The following LRRC4C variants were observed in gnomAD, a reference collection of about 807,000 sequenced individuals.
LRRC4C encodes leucine rich repeat containing 4C.
A neutral mutation model predicts 33.6 loss-of-function variants in LRRC4C; 5 were observed. The observed-to-expected ratio is 0.15, with a 90% CI of 0.08 to 0.31. The LOEUF is 0.31. Among genes scored for constraint, LRRC4C ranks in the 10% least tolerant of loss-of-function variants. The pLI is 1.00. For missense variants in LRRC4C, 560 were observed against 796.7 expected (o/e 0.70, Z 3.58); for synonymous variants, 329 against 302.0 (o/e 1.09, Z -0.93).
intron 1 of LRRC4C, among the ~76,000 whole-genome samples, chr11:41,387,608 G>A (rs537477192): frequency 6.6e-6 from 1 of 151,612 alleles, no homozygotes; most frequent in Non-Finnish European, 1.5e-5. Context: ...TGGAATATAG[G>A]TGCTTGTCAA....
At chr11:41,389,246 G>A (rs925073279) in intron 1 of LRRC4C, among the ~76,000 whole-genome samples, 1 of 151,782 alleles carries the variant, frequency 6.6e-6, no homozygotes, top group Non-Finnish European at 1.5e-5. Flanking sequence ...ACAAAATGCT[G>A]TGGTGTAAGT....
At chr11:40,912,740 A>G (rs1050908142) in intron 2 of LRRC4C, among the ~76,000 whole-genome samples, 4 of 152,172 alleles carry the variant, frequency 2.6e-5, no homozygotes, top group Non-Finnish European at 5.9e-5. Context: ...CAATTAAAAG[A>G]CACAGACTGG....
intron 1 of LRRC4C, among the ~76,000 whole-genome samples, chr11:41,087,675 T>C (rs557963189): frequency 1.3e-5 from 2 of 152,260 alleles, no homozygotes; most frequent in East Asian, 3.9e-4. Context: ...GTGCTGTAAT[T>C]GTTAAGTCAG....
chr11:40,291,758 T>C (rs1446120248), intron 4 of LRRC4C, among the ~76,000 whole-genome samples: 2 of 152,150 alleles, frequency 1.3e-5, no homozygotes, highest in African/African-American at 4.8e-5. Context: ...GTTAATACAT[T>C]CTGTTGATCT....
At chr11:40,749,326 T>G (rs937322991) in intron 2 of LRRC4C, among the ~76,000 whole-genome samples, 1 of 151,732 alleles carries the variant, frequency 6.6e-6, no homozygotes, top group Non-Finnish European at 1.5e-5. Flanking sequence ...ATTTTGGAAA[T>G]GATACAAATA....
At position 40,817,933 on chromosome 11, in the gene LRRC4C, A is replaced by ATG. The variant is rs527524144; in HGVS notation, c.-407+115700_-407+115701dup. Reference sequence around the variant, plus strand: ...GCAAATCTTTGCACACACATAAATCATGTCAGCAATTCACCCAAGTTAATT... The same window carrying ATG: ...GCAAATCTTTGCACACACATAAATCATGTGTCAGCAATTCACCCAAGTTAATT... On this transcript the variant is annotated intron_variant, in intron 2 of 6. Coordinates refer to ENST00000528697, the MANE Select transcript of LRRC4C (RefSeq NM_001258419.2). 2.9e-4 allele frequency among the ~76,000 whole-genome samples: 44 copies of ATG among 152,180 alleles called. No individual in the cohort carries two copies. In the East Asian group the frequency reaches 7.2e-3, roughly 25 times the overall value.
intron 3 of LRRC4C, among the ~76,000 whole-genome samples, chr11:40,436,685 G>A (rs2137910548): frequency 1.3e-5 from 2 of 152,316 alleles, no homozygotes; most frequent in African/African-American, 4.8e-5. Flanking sequence ...GGAAGAGGCT[G>A]AGATGCCATC....
rs117001491 is a variant in LRRC4C at position 40,630,785 on chromosome 11, A to G, written c.-270+17357T>C. 3.6e-3 allele frequency among the ~76,000 whole-genome samples: 546 copies of G among 152,246 alleles called. 4 individuals are homozygous for G. The highest frequency in any genetic ancestry group is 5.7e-3 in the Non-Finnish European group (389 of 68,004). ...AAATTTAAAGTGAATTCTGGCTATA[A>G]TGACCAAGGCATTAGTAATCTTAAC... On this transcript the variant is annotated intron_variant, in intron 3 of 6. Transcript: ENST00000528697.
chr11:41,400,098 G>C (rs1953968326), intron 1 of LRRC4C, among the ~76,000 whole-genome samples: 1 of 151,884 alleles, frequency 6.6e-6, no homozygotes, highest in African/African-American at 2.4e-5. Flanking sequence ...TAAGAGATGA[G>C]GCTCTCAGGA....
At chr11:41,409,705 T>G (rs11036391) in intron 1 of LRRC4C, among the ~76,000 whole-genome samples, 16,856 of 152,132 alleles carry the variant, frequency 0.11, 3,166 homozygotes, top group African/African-American at 0.38. Context: ...ACTCCATAAC[T>G]ATAGCAAGAA....
intron 4 of LRRC4C, among the ~76,000 whole-genome samples, chr11:40,268,724 T>C (rs1004616569): frequency 6.6e-6 from 1 of 152,214 alleles, no homozygotes; most frequent in Admixed American, 6.5e-5. Context: ...GGGAACCATC[T>C]GGAGATTCTG....
At chr11:40,382,123 A>ATTTTTTTTTTTTTTTTT (rs77934711) in intron 3 of LRRC4C, among the ~76,000 whole-genome samples, 1 of 99,986 alleles carries the variant, frequency 1.0e-5, no homozygotes, top group Non-Finnish European at 2.0e-5. Context: ...TGCCCGGCTA[A>ATTTTTTTTTTTTTTTTT]TTTTTTTTTT....
chr11:40,689,009 G>C (rs74429839), intron 2 of LRRC4C, among the ~76,000 whole-genome samples: 1 of 151,902 alleles, frequency 6.6e-6, no homozygotes, highest in Non-Finnish European at 1.5e-5. Flanking sequence ...GGAAAACAGC[G>C]GATGAGGATA....
intron 2 of LRRC4C, among the ~76,000 whole-genome samples, chr11:40,693,114 G>A (rs4130245): frequency 0.48 from 72,689 of 151,672 alleles, 17,629 homozygotes; most frequent in East Asian, 0.58. Context: ...GTTTTTTACC[G>A]CACACACACA....
Position 40,440,299 on chromosome 11 carries a change from CT to C in LRRC4C, c.-269-120579del, listed in dbSNP as rs66998647. ...ACAAAATCTTTAGTTTGGTCTCTTTCTTTTTTTTTTTTTTTTTTTAATACAT... is the reference window on the plus strand; with the variant it reads ...ACAAAATCTTTAGTTTGGTCTCTTTCTTTTTTTTTTTTTTTTTTAATACAT... On this transcript the variant is annotated intron_variant, in intron 3 of 6. Transcript: ENST00000528697. 5.9e-3 allele frequency among the ~76,000 whole-genome samples: 775 copies of C among 131,850 alleles called. 4 individuals are homozygous for C. The highest frequency in any genetic ancestry group is 0.017 in the African/African-American group (595 of 34,828). The allele number at this position is 131,850 out of a possible 152,430, so 86.5% of individuals were successfully genotyped here. A position where few individuals can be genotyped will look rare whatever the true frequency, so the allele number is the denominator to read the frequency against.
chr11:41,320,466 C>A, intron 1 of LRRC4C, among the ~76,000 whole-genome samples: 1 of 152,160 alleles, frequency 6.6e-6, no homozygotes, highest in Middle Eastern at 3.2e-3. Context: ...CCATTTCTGT[C>A]TAAATAGATG....
chr11:41,329,865 A>G (rs891199749), intron 1 of LRRC4C, among the ~76,000 whole-genome samples: 1 of 152,216 alleles, frequency 6.6e-6, no homozygotes, highest in Non-Finnish European at 1.5e-5. Flanking sequence ...AATTGTGCCA[A>G]TGGTGCAGGA....
chr11:40,851,319 C>A lies in LRRC4C; in HGVS notation c.-407+82316G>T, dbSNP rs188677272. On this transcript the variant is annotated intron_variant, in intron 2 of 6. Coordinates refer to ENST00000528697, the MANE Select transcript of LRRC4C (RefSeq NM_001258419.2). The stretch of plus-strand genomic sequence containing the variant: ...TGGGTTGTGAAGACCATGGGAAAGG[C>A]GTAGCATCTGGGTCAGAGAGCACTG... Among the ~76,000 whole-genome samples, 42 of 152,234 alleles carry A rather than the reference C, an allele frequency of 2.8e-4. 1 individual carries two copies. The highest frequency in any genetic ancestry group is 9.1e-4 in the African/African-American group (38 of 41,540).
intron 3 of LRRC4C, among the ~76,000 whole-genome samples, chr11:40,575,236 G>T (rs75656194): frequency 6.6e-6 from 1 of 152,034 alleles, no homozygotes; most frequent in East Asian, 1.9e-4. Context: ...TAAAATAAGC[G>T]CACGTCATGG....
Sources: allele counts gnomAD v4.1 joint callset (sites outside exome capture counted in the v4.1 genomes callset), GRCh38; gene constraint gnomAD v4.1.1; transcripts MANE v1.5; gene names NCBI Gene and HGNC (gene_info 2026-07-23, HGNC 2026-07-21).